The following LDLRAD4 variants were observed in gnomAD, a reference collection of about 807,000 sequenced individuals.
LDLRAD4 encodes the protein low density lipoprotein receptor class A domain containing 4.
LDLRAD4 carries 5 observed loss-of-function variants against 17.0 expected under a neutral mutation model. The ratio of observed to expected loss-of-function variants is 0.29; its 90% CI spans 0.15 to 0.62. The LOEUF (loss-of-function observed/expected upper bound fraction) is 0.62. Ranked by LOEUF, LDLRAD4 falls within the 20% of genes least tolerant of loss-of-function variation. The pLI, the probability that LDLRAD4 is intolerant of heterozygous loss-of-function variation, is 0.84. For synonymous variants in LDLRAD4, 168 were observed against 171.8 expected, an observed-to-expected ratio of 0.98 and a Z score of 0.17; for missense variants, 340 against 424.7, an observed-to-expected ratio of 0.80 and a Z score of 1.75.
At chr18:13,393,705 T>C (rs1325140887) in intron 2 of LDLRAD4, among the ~76,000 whole-genome samples, 2 of 152,142 alleles carry the variant, frequency 1.3e-5, no homozygotes, top group Non-Finnish European at 2.9e-5. Context: ...AAGTTTCCCT[T>C]GCCCCAAAAC....
intron 3 of LDLRAD4, among the ~76,000 whole-genome samples, chr18:13,483,421 C>T (rs2093142456): frequency 6.6e-6 from 1 of 152,190 alleles, no homozygotes; most frequent in African/African-American, 2.4e-5. Flanking sequence ...GCTGCCCCTG[C>T]CTGGACAGAC....
At chr18:13,501,892 A>G (rs1208487316) in intron 3 of LDLRAD4, among the ~76,000 whole-genome samples, 1 of 152,242 alleles carries the variant, frequency 6.6e-6, no homozygotes. Flanking sequence ...TTGGAATTGT[A>G]CTAGAAATGT....
chr18:13,596,804 C>G (rs1169449258), intron 3 of LDLRAD4, among the ~76,000 whole-genome samples: 1 of 152,196 alleles, frequency 6.6e-6, no homozygotes, highest in Non-Finnish European at 1.5e-5. Flanking sequence ...TGGTACCATT[C>G]TCTTTGCCTA....
At chr18:13,343,187 C>T (rs2082476606) in intron 1 of LDLRAD4, among the ~76,000 whole-genome samples, 1 of 151,922 alleles carries the variant, frequency 6.6e-6, no homozygotes, top group African/African-American at 2.4e-5. Context: ...CACTCATTAA[C>T]TCGTTATTTA....
In LDLRAD4 at chr18:13,337,112, A is replaced by G. The variant is rs150963001; in HGVS notation, c.-382-50229A>G. On this transcript the variant is annotated intron_variant, in intron 1 of 5. Coordinates refer to ENST00000359446, the Ensembl canonical transcript of LDLRAD4. ...CCTCTCTCCATCTCTGATGCACTAG[A>G]GAGAGGGCTGTTTTCCTACAAATGT... Among the ~76,000 whole-genome samples, 146 of 152,252 alleles carry G rather than the reference A, an allele frequency of 9.6e-4. 1 individual carries two copies. The highest frequency in any genetic ancestry group is 3.3e-3 in the African/African-American group (139 of 41,538).
intron 3 of LDLRAD4, among the ~76,000 whole-genome samples, chr18:13,496,872 C>T (rs533367180): frequency 2.0e-5 from 3 of 152,344 alleles, no homozygotes; most frequent in African/African-American, 4.8e-5. Flanking sequence ...GCAGCCAGCC[C>T]GAACCTGGGC....
intron 3 of LDLRAD4, among the ~76,000 whole-genome samples, chr18:13,590,196 GGTAAGGGTTT>G (rs2094999176): frequency 6.6e-6 from 1 of 151,632 alleles, no homozygotes; most frequent in South Asian, 2.1e-4. Context: ...AGGAGATGTG[GGTAAGGGTTT>G]GTGTATGGGA....
chr18:13,357,206 A>G (rs2083396640), intron 1 of LDLRAD4, among the ~76,000 whole-genome samples: 1 of 152,200 alleles, frequency 6.6e-6, no homozygotes, highest in Admixed American at 6.5e-5. Context: ...TTTCCATTTT[A>G]ACAGGCAGGC....
At chr18:13,389,540 C>A (rs1387272954) in intron 2 of LDLRAD4, among the ~76,000 whole-genome samples, 1 of 152,072 alleles carries the variant, frequency 6.6e-6, no homozygotes, top group South Asian at 2.1e-4. Context: ...GAAGAGGGAA[C>A]AAGAAAAGAA....
chr18:13,505,553 C>G (rs989637344), intron 3 of LDLRAD4, among the ~76,000 whole-genome samples: 1 of 152,226 alleles, frequency 6.6e-6, no homozygotes, highest in Non-Finnish European at 1.5e-5. Flanking sequence ...GGCACGGTGG[C>G]TCACGCCTGT....
At chr18:13,478,075 T>C (rs970687492) in intron 3 of LDLRAD4, among the ~76,000 whole-genome samples, 1 of 152,174 alleles carries the variant, frequency 6.6e-6, no homozygotes, top group Non-Finnish European at 1.5e-5. Flanking sequence ...GGCAAGACAG[T>C]GTATTTTCTC....
chr18:13,532,697 A>C (rs2094146148), intron 3 of LDLRAD4, among the ~76,000 whole-genome samples: 1 of 152,222 alleles, frequency 6.6e-6, no homozygotes, highest in Admixed American at 6.5e-5. Flanking sequence ...ATCCACCTTC[A>C]TCGGACTTGG....
At position 13,645,173 on chromosome 18, in the gene LDLRAD4, T is replaced by C; in HGVS notation, c.437T>C (p.Phe146Ser). The change falls in exon 6 of 6, where the codon TTC becomes TCC. Residue 146 changes from phenylalanine (F) to serine (S), a missense_variant. Coordinates refer to ENST00000359446, the Ensembl canonical transcript of LDLRAD4. This position sits in a 1 kb window ranked among gnomAD's most constrained non-coding sequence, Gnocchi z 5.7. ...AGGGACAGGTTCACAGCGCCGTCCT[T>C]CATCCAGAGGGATCGCTTCAGCCGC... is the stretch of plus-strand genomic sequence containing the variant. 1.2e-6 allele frequency: 2 copies of C among 1,614,008 alleles called. No homozygotes were observed. Among genetic ancestry groups the C allele is most frequent in the Non-Finnish European group, 1.7e-6 (2 of 1,179,974 alleles).
chr18:13,540,037 G>A (rs950362858), intron 3 of LDLRAD4, among the ~76,000 whole-genome samples: 3 of 152,156 alleles, frequency 2.0e-5, no homozygotes, highest in African/African-American at 4.8e-5. Flanking sequence ...AGGGTCACCC[G>A]CATGCCAAAG....
chr18:13,434,857 G>A (rs1201685704), intron 2 of LDLRAD4, among the ~76,000 whole-genome samples: 1 of 152,242 alleles, frequency 6.6e-6, no homozygotes, highest in African/African-American at 2.4e-5. Context: ...CTTGCTGTAT[G>A]TGAGCTACCT....
intron 1 of LDLRAD4, among the ~76,000 whole-genome samples, chr18:13,254,779 G>A (rs991718507): frequency 2.6e-5 from 4 of 152,184 alleles, no homozygotes; most frequent in Non-Finnish European, 2.9e-5. Context: ...ACTGGGAAAC[G>A]TAGGGAAACT....
chr18:13,222,534 CA>C (rs1296120890), intron 1 of LDLRAD4, among the ~76,000 whole-genome samples: 3 of 152,210 alleles, frequency 2.0e-5, no homozygotes, highest in African/African-American at 7.2e-5. Flanking sequence ...CCGCTGTCTG[CA>C]ACACGCTTGC....
At chr18:13,342,508 G>T (rs2082431630) in intron 1 of LDLRAD4, among the ~76,000 whole-genome samples, 34 of 97,080 alleles carry the variant, frequency 3.5e-4, no homozygotes, top group South Asian at 7.5e-4. Flanking sequence ...TTTTTGAGAT[G>T]GACTTTTCCT....
intron 1 of LDLRAD4, among the ~76,000 whole-genome samples, chr18:13,296,672 T>C (rs1211594332): frequency 6.6e-6 from 1 of 151,930 alleles, no homozygotes; most frequent in African/African-American, 2.4e-5. Flanking sequence ...CCACAGAACC[T>C]GGCCATAAAC....
Sources: allele counts gnomAD v4.1 joint callset (sites outside exome capture counted in the v4.1 genomes callset), GRCh38; gene constraint gnomAD v4.1.1; non-coding constraint Gnocchi (gnomAD v3.1); transcripts MANE v1.5; gene names NCBI Gene and HGNC (gene_info 2026-07-23, HGNC 2026-07-21).